HTATSF1: variants seen among roughly 807,000 people sequenced by gnomAD.
HTATSF1 encodes the protein 17S U2 SnRNP complex component HTATSF1.
A neutral mutation model predicts 46.1 loss-of-function variants in HTATSF1; 6 were observed. The ratio of observed to expected loss-of-function variants is 0.13; its 90% CI spans 0.07 to 0.26. The LOEUF (loss-of-function observed/expected upper bound fraction) is 0.26. HTATSF1 is among the 10% of genes least tolerant of loss of function. The probability of loss-of-function intolerance (pLI) is 1.00; values close to 1 mark genes in which losing one functional copy is unlikely to be tolerated. For synonymous variants in HTATSF1, 226 were observed against 211.5 expected (o/e 1.07, Z -0.60); for missense variants, 452 against 559.9 (o/e 0.81, Z 1.94).
intron 6 of HTATSF1, among the ~76,000 whole-genome samples, chrX:136,506,758 T>C (rs186589458): frequency 5.3e-5 from 6 of 112,270 alleles, no homozygotes; most frequent in African/African-American, 1.9e-4. Context: ...CCTCACATGG[T>C]CCAACTAGCT....
In HTATSF1 at chrX:136,502,853, G is replaced by A. The variant is rs1176104931; in HGVS notation, c.646G>A (p.Ala216Thr). The change falls in exon 5 of 9, where the codon GCA (alanine) becomes ACA (threonine). Residue 216 changes from alanine (A) to threonine (T), a missense_variant. Ala to Thr is a moderately conservative substitution (Grantham distance 58, BLOSUM62 0). Transcript: ENST00000218364. ...AGGCTACAAATTACATGTTGAGGTG[G>A]CAAAGTTTCAACTGAAGGGAGAATA... is the stretch of plus-strand genomic sequence containing the variant. ...IRGYKLHVEV[A>T]KFQLKGEYDA... 8.5e-7 allele frequency: 1 copy of A among 1,172,529 alleles called. No individual in the cohort carries two copies. Among genetic ancestry groups the A allele is most frequent in the Non-Finnish European group, 1.1e-6 (1 of 871,540 alleles).
At chrX:136,506,778 C>T (rs757645654) in intron 6 of HTATSF1, among the ~76,000 whole-genome samples, 72 of 112,305 alleles carry the variant, frequency 6.4e-4, no homozygotes, top group African/African-American at 2.0e-3. Context: ...TTGCTGAGAG[C>T]GTGTCAACAA....
intron 6 of HTATSF1, among the ~76,000 whole-genome samples, chrX:136,505,450 G>A (rs1290777030): frequency 9.0e-6 from 1 of 111,439 alleles, no homozygotes; most frequent in African/African-American, 3.3e-5. Flanking sequence ...ATATACGTCT[G>A]GTTTATTTAT....
chrX:136,499,800 A>T (rs2075709666), intron 2 of HTATSF1, 22 bp downstream of exon 2: 1 of 1,113,144 alleles, frequency 9.0e-7, no homozygotes, highest in African/African-American at 1.9e-5. Context: ...TAGCTTACAA[A>T]TTTTAAGTGT....
intron 6 of HTATSF1, among the ~76,000 whole-genome samples, chrX:136,508,812 C>T (rs1398759524): frequency 8.9e-6 from 1 of 112,520 alleles, no homozygotes; most frequent in Non-Finnish European, 1.9e-5. Context: ...ACAGGACTTC[C>T]ACCATCTTCT....
chrX:136,499,718 G>C lies in HTATSF1; in HGVS notation c.307G>C (p.Glu103Gln). 1 of 1,198,438 alleles carries C rather than the reference G, an allele frequency of 8.3e-7. No individual in the cohort carries two copies. ...TAGGACTGCAGAGGAACCTCCACAA[G>C]AAAAAGCCCCGGAACCCACTGATGC... ...HARTAEEPPQEKAPEPTDARK... is the reference protein window; with the variant it reads ...HARTAEEPPQQKAPEPTDARK... The change falls in exon 2 of 9, where the codon GAA becomes CAA. Residue 103 changes from glutamate to glutamine, a missense_variant. Physicochemically the swap from Glu to Gln is conservative, Grantham distance 29. This residue lies in a region of HTATSF1 where 89 missense variants were observed against 92.3 expected (regional missense o/e 0.96). Transcript: ENST00000218364.
chrX:136,510,251 A>G (rs1461000679), intron 8 of HTATSF1, 32 bp downstream of exon 8: 3 of 1,186,989 alleles, frequency 2.5e-6, no homozygotes, highest in East Asian at 6.0e-5. Flanking sequence ...GGGCACACAC[A>G]TTGTTTCATT....
chrX:136,511,734 GGAA>G lies in HTATSF1; in HGVS notation c.1994_1996del (p.Glu665del). The G allele has an allele frequency of 1.7e-6, 2 of 1,211,709 alleles. No individual in the cohort carries two copies. The highest frequency in any genetic ancestry group is 2.2e-5 in the Admixed American group (1 of 46,014). On this transcript the variant is annotated inframe_deletion, in exon 9 of 9. Coordinates refer to ENST00000218364, the MANE Select transcript of HTATSF1 (RefSeq NM_014500.5). ...GGCTTGAAGCTGCTGATAAAAAGGC[GGAA>G]GAAGGTGATGCAGATGAAAAGCTGT...
Position 136,511,325 on chromosome X carries a change from A to C in HTATSF1, c.1580A>C (p.Lys527Thr). Residue 527 changes from lysine to threonine, a missense_variant, in exon 9 of 9, where the codon AAG (lysine) becomes ACG (threonine). Coordinates refer to ENST00000218364, the MANE Select transcript of HTATSF1 (RefSeq NM_014500.5). ...LAKESEDDLN[K>T]ESEEEVGPTK... is the part of the protein sequence containing the mutation. ...AAGGAATCTGAAGATGACCTCAACAAGGAGTCTGAAGAGGAGGTTGGCCCC... is the reference window on the plus strand; with the variant it reads ...AAGGAATCTGAAGATGACCTCAACACGGAGTCTGAAGAGGAGGTTGGCCCC... 8.3e-7 allele frequency: 1 copy of C among 1,206,543 alleles called. No individual in the cohort carries two copies. The highest frequency in any genetic ancestry group is 1.1e-6 in the Non-Finnish European group (1 of 894,050).
chrX:136,512,283 GTA>G lies in HTATSF1; in HGVS notation c.*272_*273del, dbSNP rs1388873247. 4.2e-6 allele frequency: 1 copy of G among 238,949 alleles called. No homozygotes were observed. Among genetic ancestry groups the G allele is most frequent in the Non-Finnish European group, 7.5e-6 (1 of 134,198 alleles). The allele number at this position is 238,949 out of a possible 1,213,427, so 19.7% of individuals were successfully genotyped here. On this transcript the variant is annotated 3_prime_UTR_variant, in exon 9 of 9. Transcript: ENST00000218364. ...TGCATGCAGAATAATATTTTTAAGA[GTA>G]TTGATTGAAGTTTGTGATATTCATC... is the stretch of plus-strand genomic sequence containing the variant.
intron 6 of HTATSF1, among the ~76,000 whole-genome samples, chrX:136,507,698 A>G (rs1388759251): frequency 9.0e-6 from 1 of 111,351 alleles, no homozygotes; most frequent in Non-Finnish European, 1.9e-5. Context: ...TGTTTTTGAT[A>G]TAATCCTGAT....
intron 1 of HTATSF1, among the ~76,000 whole-genome samples, chrX:136,498,230 A>C (rs1344013130): frequency 3.6e-5 from 4 of 112,390 alleles, no homozygotes; most frequent in Non-Finnish European, 7.5e-5. Context: ...TCAGATGTTT[A>C]GCTTATGTAC....
At chrX:136,509,391 G>A (rs1210936863) in intron 7 of HTATSF1, among the ~76,000 whole-genome samples, 1 of 111,645 alleles carries the variant, frequency 9.0e-6, no homozygotes, top group Non-Finnish European at 1.9e-5. Flanking sequence ...CTTATTTTCC[G>A]TCTTCATTAC....
intron 6 of HTATSF1, among the ~76,000 whole-genome samples, chrX:136,507,739 A>G (rs2075749045): frequency 1.8e-5 from 2 of 111,348 alleles, no homozygotes; most frequent in South Asian, 7.6e-4. Flanking sequence ...GAGGTATTAG[A>G]AACAGTTTAT....
In HTATSF1 at chrX:136,504,430, C is replaced by T. The variant is rs1244284084; in HGVS notation, c.801C>T (p.Ile267=). Residue 267 remains isoleucine, a synonymous_variant, in exon 6 of 9, where the codon ATC becomes ATT. Coordinates refer to ENST00000218364, the MANE Select transcript of HTATSF1 (RefSeq NM_014500.5). Reference sequence around the variant, plus strand: ...GGATGCGCCATGAGCGAGTTGTCATCATCAAGAATATGTTTCATCCTATGG... The same window carrying T: ...GGATGCGCCATGAGCGAGTTGTCATTATCAAGAATATGTTTCATCCTATGG... ...PSRMRHERVV[I]IKNMFHPMDF... 8.3e-7 allele frequency: 1 copy of T among 1,208,478 alleles called. No homozygotes were observed. Among genetic ancestry groups the T allele is most frequent in the Non-Finnish European group, 1.1e-6 (1 of 893,457 alleles).
chrX:136,504,980 G>A (rs1475760767), intron 6 of HTATSF1, among the ~76,000 whole-genome samples: 3 of 112,170 alleles, frequency 2.7e-5, no homozygotes, highest in African/African-American at 9.7e-5. Context: ...TAATGGAACT[G>A]TCCTTCCTCC....
At chrX:136,508,674 T>G (rs991115062) in intron 6 of HTATSF1, among the ~76,000 whole-genome samples, 1 of 112,584 alleles carries the variant, frequency 8.9e-6, no homozygotes, top group African/African-American at 3.2e-5. Flanking sequence ...TATATTGCTC[T>G]CTCTCTCTCC....
chrX:136,511,902 C>T lies in HTATSF1; in HGVS notation c.2157C>T (p.Asp719=), dbSNP rs1396633438. ...EEEDSSEKLF[D]DSDERGTLGG... is the part of the protein sequence containing the mutation. ...AAGATTCCAGTGAGAAGTTGTTTGACGATTCTGATGAGAGGGGGACTTTGG... is the reference window on the plus strand; with the variant it reads ...AAGATTCCAGTGAGAAGTTGTTTGATGATTCTGATGAGAGGGGGACTTTGG... Residue 719 remains aspartate, a synonymous_variant, in exon 9 of 9, where the codon GAC becomes GAT. Coordinates refer to ENST00000218364, the MANE Select transcript of HTATSF1 (RefSeq NM_014500.5). 4 of 1,211,488 alleles carry T rather than the reference C, an allele frequency of 3.3e-6. No homozygotes were observed. The highest frequency in any genetic ancestry group is 1.8e-5 in the South Asian group (1 of 56,970).
Position 136,500,720 on chromosome X carries a change from A to G in HTATSF1, c.472A>G (p.Ile158Val), listed in dbSNP as rs1396990819. The change falls in exon 4 of 9, where the codon ATT becomes GTT. Residue 158 changes from isoleucine (I) to valine (V), a missense_variant. Coordinates refer to ENST00000218364, the MANE Select transcript of HTATSF1 (RefSeq NM_014500.5). ...TATACAACTTATGTCCAAGTTTGGCATTATTATGAGAGATCCTCAGACAGA... is the reference window on the plus strand; with the variant it reads ...TATACAACTTATGTCCAAGTTTGGCGTTATTATGAGAGATCCTCAGACAGA... ...EFIQLMSKFG[I>V]IMRDPQTEEF... 1 of 1,144,795 alleles carries G rather than the reference A, an allele frequency of 8.7e-7. No individual in the cohort carries two copies. The highest frequency in any genetic ancestry group is 2.8e-5 in the Admixed American group (1 of 36,263). 94.3% of individuals were successfully genotyped at this position (1,144,795 alleles called of 1,213,427 possible). A position where few individuals can be genotyped will look rare whatever the true frequency, so the allele number is the denominator to read the frequency against.
Sources: gnomAD v4.1 joint callset for allele counts (sites outside exome capture counted in the v4.1 genomes callset) on GRCh38, gnomAD v4.1.1 for gene constraint, gnomAD v4.1.1 regional missense constraint, MANE v1.5 for transcripts, NCBI Gene and HGNC (gene_info 2026-07-23, HGNC 2026-07-21) for gene names.